CLOCK: variants seen among roughly 807,000 people sequenced by gnomAD.
CLOCK encodes circadian locomoter output cycles protein kaput.
CLOCK carries 43 observed loss-of-function variants against 118.4 expected under a neutral mutation model. That is an observed-to-expected ratio of 0.36 (90% CI 0.28 to 0.47). The LOEUF (loss-of-function observed/expected upper bound fraction) is 0.47, where lower values mean the gene tolerates loss of function less well. Ranked by LOEUF, CLOCK falls within the 20% of genes least tolerant of loss-of-function variation. The probability of loss-of-function intolerance (pLI) is 1.00; values close to 1 mark genes in which losing one functional copy is unlikely to be tolerated. For missense variants in CLOCK, 846 were observed against 999.9 expected, an observed-to-expected ratio of 0.85 and a Z score of 2.08; for synonymous variants, 326 against 339.2, an observed-to-expected ratio of 0.96 and a Z score of 0.43.
intron 1 of CLOCK, among the ~76,000 whole-genome samples, chr4:55,542,152 C>T (rs749035662): frequency 3.4e-4 from 48 of 142,766 alleles, no homozygotes; most frequent in Non-Finnish European, 6.0e-4. Flanking sequence ...ACCAGCCCGG[C>T]CAACATGGAG....
chr4:55,494,779 C>T (rs938112567), intron 2 of CLOCK, among the ~76,000 whole-genome samples: 3 of 152,102 alleles, frequency 2.0e-5, no homozygotes, highest in African/African-American at 7.2e-5. Context: ...TGGCCACAAG[C>T]CAAGGAATTC....
chr4:55,521,908 T>A (rs1446054952), intron 1 of CLOCK, among the ~76,000 whole-genome samples: 1 of 152,066 alleles, frequency 6.6e-6, no homozygotes, highest in Non-Finnish European at 1.5e-5. Context: ...AAGAAGAAAA[T>A]GGAGAGAGCA....
At position 55,459,024 on chromosome 4, in the gene CLOCK, G is replaced by A. The variant is rs1292534469; in HGVS notation, c.674-14C>T. 10 of 1,589,966 alleles carry A rather than the reference G, an allele frequency of 6.3e-6. No individual in the cohort carries two copies. The highest frequency in any genetic ancestry group is 8.6e-6 in the Non-Finnish European group (10 of 1,158,186). Reference sequence around the variant, plus strand: ...CTGAAGAGGATACTAAAACAATAGGGAAATATGTATCATCAGTTATGCCAG... The same window carrying A: ...CTGAAGAGGATACTAAAACAATAGGAAAATATGTATCATCAGTTATGCCAG... On this transcript the variant is annotated splice_polypyrimidine_tract_variant and intron_variant, in intron 10 of 22. Coordinates refer to ENST00000513440, the MANE Select transcript of CLOCK (RefSeq NM_004898.4).
At chr4:55,537,107 TATAA>T (rs1326904558) in intron 1 of CLOCK, among the ~76,000 whole-genome samples, 1 of 152,144 alleles carries the variant, frequency 6.6e-6, no homozygotes, top group Non-Finnish European at 1.5e-5. Context: ...ATAACACACT[TATAA>T]ATAAACTATA....
At chr4:55,491,234 TAAAAAAAAAAAAAAAAAA>T (rs34441416) in intron 2 of CLOCK, among the ~76,000 whole-genome samples, 1 of 44,342 alleles carries the variant, frequency 2.3e-5, no homozygotes, top group Non-Finnish European at 4.1e-5. Context: ...GCAGGTGTGC[TAAAAAAAAAAAAAAAAAA>T]AAAAAAGGAA....
intron 8 of CLOCK, among the ~76,000 whole-genome samples, chr4:55,469,085 T>C (rs955907793): frequency 3.3e-5 from 5 of 152,234 alleles, no homozygotes; most frequent in Non-Finnish European, 7.3e-5. Flanking sequence ...TACTAGTTTA[T>C]GTATTTACTA....
chr4:55,498,775 G>T (rs1237586758), intron 2 of CLOCK, among the ~76,000 whole-genome samples: 4 of 152,088 alleles, frequency 2.6e-5, no homozygotes, highest in Non-Finnish European at 5.9e-5. Flanking sequence ...GTAAATATAG[G>T]ATAAATGAGG....
intron 2 of CLOCK, among the ~76,000 whole-genome samples, chr4:55,509,090 T>C (rs956519269): frequency 6.6e-6 from 1 of 152,224 alleles, no homozygotes; most frequent in African/African-American, 2.4e-5. Context: ...TATTTGAGTA[T>C]CTAAACATAT....
chr4:55,490,432 C>A (rs1233958206), intron 2 of CLOCK, among the ~76,000 whole-genome samples: 1 of 151,894 alleles, frequency 6.6e-6, no homozygotes, highest in Non-Finnish European at 1.5e-5. Flanking sequence ...GATGTCAATA[C>A]CCCACTTTCA....
intron 8 of CLOCK, among the ~76,000 whole-genome samples, chr4:55,467,411 GA>G (rs1725808604): frequency 6.6e-6 from 1 of 152,090 alleles, no homozygotes. Flanking sequence ...CAAATAAACA[GA>G]AAATTATAAT....
intron 7 of CLOCK, among the ~76,000 whole-genome samples, 174 bp downstream of exon 7, chr4:55,475,789 T>C (rs776819294): frequency 4.6e-5 from 7 of 152,196 alleles, no homozygotes; most frequent in East Asian, 1.9e-4. Flanking sequence ...ACACACCTAA[T>C]AGACTACAGG....
intron 8 of CLOCK, among the ~76,000 whole-genome samples, chr4:55,470,220 G>A (rs1273874327): frequency 6.6e-6 from 1 of 152,110 alleles, no homozygotes; most frequent in East Asian, 1.9e-4. Flanking sequence ...TTCATTCATG[G>A]TGAGTGCCCT....
intron 2 of CLOCK, among the ~76,000 whole-genome samples, chr4:55,506,253 G>T (rs1728789707): frequency 2.0e-5 from 3 of 152,084 alleles, no homozygotes; most frequent in Admixed American, 2.0e-4. Flanking sequence ...TAACTATGTT[G>T]CCCAGGCTGG....
rs200237983 is a variant in CLOCK, at chr4:55,444,586, C to A, written c.1692+47G>T. On this transcript the variant is annotated intron_variant, in intron 19 of 22. Coordinates refer to ENST00000513440, the MANE Select transcript of CLOCK (RefSeq NM_004898.4). Reference sequence around the variant, plus strand: ...AGAAAAGTTAATTTTCCTAGAAATCCAAAATGTGAATGGGATGCTTTGTTT... The same window carrying A: ...AGAAAAGTTAATTTTCCTAGAAATCAAAAATGTGAATGGGATGCTTTGTTT... The A allele has an allele frequency of 1.0e-4, 162 of 1,612,240 alleles. 2 individuals are homozygous for A. The Middle Eastern group carries it at 1.7e-3, about 16-fold the overall frequency.
intron 1 of CLOCK, among the ~76,000 whole-genome samples, chr4:55,542,297 T>C (rs943057464): frequency 6.7e-6 from 1 of 150,260 alleles, no homozygotes; most frequent in Non-Finnish European, 1.5e-5. Flanking sequence ...TGAGCTGAGA[T>C]CACGCCACTG....
At chr4:55,495,935 T>TC (rs1175833357) in intron 2 of CLOCK, among the ~76,000 whole-genome samples, 1 of 152,098 alleles carries the variant, frequency 6.6e-6, no homozygotes, top group Non-Finnish European at 1.5e-5. Context: ...ACACCTGTAA[T>TC]CCCAGCACTT....
At chr4:55,491,957 G>C (rs537320006) in intron 2 of CLOCK, among the ~76,000 whole-genome samples, 80 of 152,232 alleles carry the variant, frequency 5.3e-4, no homozygotes, top group African/African-American at 1.8e-3. Context: ...TGACTTCACT[G>C]AAGAATTCTA....
At chr4:55,531,376 TAGGA>T (rs1305034916) in intron 1 of CLOCK, among the ~76,000 whole-genome samples, 4,223 of 152,016 alleles carry the variant, frequency 0.028, 202 homozygotes, top group African/African-American at 0.097. Flanking sequence ...AACAAAAGCC[TAGGA>T]GGCTTTACTG....
chr4:55,452,485 G>A (rs900845445), intron 15 of CLOCK: 1 of 152,652 alleles, frequency 6.6e-6, no homozygotes, highest in East Asian at 1.9e-4. Context: ...TGAAGTAGAG[G>A]GTCCAGCTAA....
Sources: allele counts gnomAD v4.1 joint callset (sites outside exome capture counted in the v4.1 genomes callset), GRCh38; gene constraint gnomAD v4.1.1; transcripts MANE v1.5; gene names NCBI Gene and HGNC (gene_info 2026-07-23, HGNC 2026-07-21).